Variants in CAST observed in about 807,000 individuals in gnomAD.
CAST encodes calpastatin.
CAST carries 76 observed loss-of-function variants against 119.6 expected under a neutral mutation model. The observed-to-expected ratio is 0.64, with a 90% CI of 0.53 to 0.77. CAST has a LOEUF of 0.77. Among genes scored for constraint, CAST ranks in the 30% least tolerant of loss-of-function variants. The pLI is 0.00. For missense variants in CAST, 953 were observed against 946.5 expected, an observed-to-expected ratio of 1.01 and a Z score of -0.09; for synonymous variants, 319 against 331.6, an observed-to-expected ratio of 0.96 and a Z score of 0.41.
chr5:96,339,647 A>T, the CAST span, among the ~76,000 whole-genome samples: 1 of 152,232 alleles, frequency 6.6e-6, no homozygotes, highest in African/African-American at 2.4e-5. Flanking sequence ...ACTTGAAGTC[A>T]TAGGCATGTA....
the CAST span, among the ~76,000 whole-genome samples, chr5:96,109,933 T>TAAA: frequency 3.1e-4 from 46 of 146,666 alleles, no homozygotes; most frequent in Middle Eastern, 3.5e-3. Flanking sequence ...GTAAAAATGA[T>TAAA]AAAAAAAAAA....
the CAST span, among the ~76,000 whole-genome samples, chr5:96,066,941 C>T: frequency 2.0e-5 from 3 of 152,080 alleles, no homozygotes; most frequent in South Asian, 2.1e-4. Flanking sequence ...GCTGGAATTA[C>T]AGGTGTTAAG....
chr5:96,763,340 C>T lies in CAST; in HGVS notation c.1932+968C>T, dbSNP rs1020095551. On this transcript the variant is annotated intron_variant, in intron 25 of 31. Transcript: ENST00000675179. The stretch of plus-strand genomic sequence containing the variant: ...TAAAGCACTTAAAACCAGTAAAATG[C>T]CCCGTGTGTGTGTATGTGCATGTGC... 5.2e-5 allele frequency: 39 copies of T among 755,494 alleles called. No individual in the cohort carries two copies. In the African/African-American group the frequency reaches 5.6e-4, roughly 11 times the overall value. The allele number at this position is 755,494 out of a possible 1,614,324, so 46.8% of individuals were successfully genotyped here.
At chr5:96,101,546 C>T in the CAST span, among the ~76,000 whole-genome samples, 1 of 152,200 alleles carries the variant, frequency 6.6e-6, no homozygotes, top group East Asian at 1.9e-4. Flanking sequence ...CACAACAGTT[C>T]CCAGCTGCCT....
At chr5:96,245,929 G>A in the CAST span, among the ~76,000 whole-genome samples, 2 of 152,106 alleles carry the variant, frequency 1.3e-5, no homozygotes, top group Non-Finnish European at 2.9e-5. Context: ...CACAGCGCAG[G>A]ACCCGGCTGA....
the CAST span, among the ~76,000 whole-genome samples, chr5:96,094,674 GTGTTGAACGCTAGC>G: frequency 2.0e-5 from 3 of 152,160 alleles, no homozygotes; most frequent in Non-Finnish European, 4.4e-5. Context: ...AGTGAGCTGG[GTGTTGAACGCTAGC>G]TGTTTGACTT....
chr5:96,462,937 T>C, the CAST span, among the ~76,000 whole-genome samples: 1 of 152,226 alleles, frequency 6.6e-6, no homozygotes, highest in Admixed American at 6.5e-5. Context: ...TCCGTCATGA[T>C]TGTAAGTTTC....
At chr5:96,475,363 C>T in the CAST span, among the ~76,000 whole-genome samples, 16 of 152,336 alleles carry the variant, frequency 1.1e-4, 1 homozygote, top group East Asian at 2.9e-3. Flanking sequence ...ACTAAAGTCT[C>T]TAAATCCCAC....
At chr5:96,639,747 T>C (rs1747928506) in intron 1 of CAST, among the ~76,000 whole-genome samples, 1 of 152,214 alleles carries the variant, frequency 6.6e-6, no homozygotes, top group South Asian at 2.1e-4. Context: ...GAGAGTTTTT[T>C]GGTAACTCAG....
At chr5:96,535,774 C>T (rs374596029) in intron 1 of CAST, among the ~76,000 whole-genome samples, 1 of 150,804 alleles carries the variant, frequency 6.6e-6, no homozygotes, top group Non-Finnish European at 1.5e-5. Context: ...GGGGTTTCAC[C>T]GTGTTAGCCA....
At chr5:96,063,767 C>T in the CAST span, among the ~76,000 whole-genome samples, 1 of 152,134 alleles carries the variant, frequency 6.6e-6, no homozygotes, top group East Asian at 1.9e-4. Flanking sequence ...ACGTGTCATT[C>T]CCAATTTACA....
chr5:96,439,873 T>A, the CAST span, among the ~76,000 whole-genome samples: 1 of 152,144 alleles, frequency 6.6e-6, no homozygotes, highest in Non-Finnish European at 1.5e-5. Context: ...CCTTCAACAA[T>A]TGTCCCTAAT....
chr5:96,641,165 A>G (rs1036390179), intron 1 of CAST, among the ~76,000 whole-genome samples: 8 of 152,200 alleles, frequency 5.3e-5, no homozygotes, highest in Admixed American at 1.3e-4. Context: ...TGCTATTAAT[A>G]CTACTGTTTA....
the CAST span, among the ~76,000 whole-genome samples, chr5:96,163,037 G>T: frequency 6.6e-6 from 1 of 152,136 alleles, no homozygotes; most frequent in Non-Finnish European, 1.5e-5. Context: ...TTCTTTGAGG[G>T]TAGCTTTTAA....
the CAST span, chr5:96,395,135 GT>G: frequency 2.2e-6 from 2 of 924,322 alleles, no homozygotes; most frequent in Non-Finnish European, 3.5e-6. Context: ...TTAAGATTCT[GT>G]GCATTTCATG....
At chr5:96,233,887 T>C in the CAST span, among the ~76,000 whole-genome samples, 53 of 152,318 alleles carry the variant, frequency 3.5e-4, no homozygotes, top group Admixed American at 1.6e-3. Flanking sequence ...CTTAAAATTT[T>C]AATAATCTTA....
the CAST span, among the ~76,000 whole-genome samples, chr5:96,502,636 CTTTCTTTCTTTCT>C: frequency 6.6e-6 from 1 of 150,458 alleles, no homozygotes; most frequent in Non-Finnish European, 1.5e-5. Flanking sequence ...TTCTTTCTTT[CTTTCTTTCTTTCT>C]TTCTTTCTTT....
chr5:96,769,639 T>A (rs1478663403), intron 29 of CAST: 2 of 151,988 alleles, frequency 1.3e-5, no homozygotes, highest in Non-Finnish European at 2.9e-5. Flanking sequence ...CTAATACAAT[T>A]TTATTAACCT....
chr5:96,069,108 C>A, the CAST span, among the ~76,000 whole-genome samples: 2 of 148,786 alleles, frequency 1.3e-5, no homozygotes, highest in Non-Finnish European at 3.0e-5. Flanking sequence ...CTGTTGATTC[C>A]GTCTTCATGT....
Sources: allele counts gnomAD v4.1 joint callset (sites outside exome capture counted in the v4.1 genomes callset), GRCh38; gene constraint gnomAD v4.1.1; transcripts MANE v1.5; gene names NCBI Gene and HGNC (gene_info 2026-07-23, HGNC 2026-07-21).